FGF14: variants seen among roughly 807,000 people sequenced by gnomAD.
FGF14 encodes fibroblast growth factor homologous factor 4.
FGF14 carries 5 observed loss-of-function variants against 25.5 expected under a neutral mutation model. The observed-to-expected ratio is 0.20, with a 90% CI of 0.10 to 0.41. The LOEUF is 0.41. Among genes scored for constraint, FGF14 ranks in the 10% least tolerant of loss-of-function variants. The probability of loss-of-function intolerance (pLI) is 1.00; values close to 1 mark genes in which losing one functional copy is unlikely to be tolerated. For synonymous variants in FGF14, 138 were observed against 118.3 expected (o/e 1.17, Z -1.08); for missense variants, 222 against 320.1 (o/e 0.69, Z 2.34).
intron 1 of FGF14, among the ~76,000 whole-genome samples, chr13:102,233,597 G>A (rs1303544362): frequency 6.6e-6 from 1 of 152,166 alleles, no homozygotes; most frequent in Non-Finnish European, 1.5e-5. Flanking sequence ...GCAAATGAGT[G>A]AACTTGGGAG....
chr13:102,357,662 G>C (rs1057084280), intron 1 of FGF14, among the ~76,000 whole-genome samples: 1 of 152,164 alleles, frequency 6.6e-6, no homozygotes, highest in Admixed American at 6.5e-5. Flanking sequence ...TAGGGACATT[G>C]TGGAGTTTCA....
intron 1 of FGF14, among the ~76,000 whole-genome samples, chr13:102,019,891 G>A (rs1357323648): frequency 6.6e-6 from 1 of 152,138 alleles, no homozygotes; most frequent in Non-Finnish European, 1.5e-5. Context: ...ACGCAGGTGT[G>A]AACATTATGG....
chr13:102,028,881 C>T (rs775694983), intron 1 of FGF14, among the ~76,000 whole-genome samples: 7 of 152,164 alleles, frequency 4.6e-5, no homozygotes, highest in African/African-American at 1.7e-4. Flanking sequence ...ATGGCATTCA[C>T]GTCTCTCCTG....
At chr13:102,174,318 TTTC>T (rs2048358878) in intron 1 of FGF14, among the ~76,000 whole-genome samples, 3 of 101,286 alleles carry the variant, frequency 3.0e-5, no homozygotes, top group South Asian at 3.8e-4. Flanking sequence ...CTTTTCTTTC[TTTC>T]TTTTTTTTTT....
At chr13:101,954,837 T>G (rs931437474) in intron 1 of FGF14, among the ~76,000 whole-genome samples, 1 of 152,172 alleles carries the variant, frequency 6.6e-6, no homozygotes, top group Non-Finnish European at 1.5e-5. Context: ...AGGAAATCAG[T>G]ATTGGAAGTG....
chr13:102,322,947 T>A (rs1048890596), intron 1 of FGF14, among the ~76,000 whole-genome samples: 1 of 152,122 alleles, frequency 6.6e-6, no homozygotes, highest in Non-Finnish European at 1.5e-5. Context: ...AGAAATATCC[T>A]ACTTTAACCT....
intron 1 of FGF14, among the ~76,000 whole-genome samples, chr13:101,990,206 A>G (rs956277695): frequency 6.6e-6 from 1 of 152,080 alleles, no homozygotes; most frequent in African/African-American, 2.4e-5. Context: ...CACTGCCTAC[A>G]CCAAACATGG....
chr13:102,201,480 T>C (rs1361809501), intron 1 of FGF14, among the ~76,000 whole-genome samples: 2 of 152,206 alleles, frequency 1.3e-5, no homozygotes, highest in Non-Finnish European at 2.9e-5. Context: ...AGGGATTGGC[T>C]GAAAAAATTC....
chr13:101,983,644 A>G (rs1169818532), intron 1 of FGF14, among the ~76,000 whole-genome samples: 2 of 152,216 alleles, frequency 1.3e-5, no homozygotes, highest in Non-Finnish European at 2.9e-5. Flanking sequence ...TTACTATATT[A>G]GTTGGAATAC....
intron 1 of FGF14, 102 bp from the exon 2 acceptor site, chr13:101,875,398 C>G (rs1049576784): frequency 7.4e-5 from 58 of 783,738 alleles, no homozygotes; most frequent in Non-Finnish European, 1.1e-4. Flanking sequence ...ACATTTTATA[C>G]AAGTAGCATA....
In FGF14 at chr13:101,867,899, C is replaced by T. The variant is rs967729051; in HGVS notation, c.408+826G>A. On this transcript the variant is annotated intron_variant, in intron 3 of 4. Coordinates refer to ENST00000376143, the MANE Select transcript of FGF14 (RefSeq NM_004115.4). ...AATGTTTCTGTTTAAGACACACACA[C>T]ACACACACACACACACACACACACA... is the stretch of plus-strand genomic sequence containing the variant. Among the ~76,000 whole-genome samples the T allele has an allele frequency of 5.7e-5, 8 of 141,118 alleles. No homozygotes were observed. The East Asian group carries it at 9.1e-4, about 16-fold the overall frequency. 92.6% of individuals were successfully genotyped at this position (141,118 alleles called of 152,430 possible).
At chr13:101,777,308 G>A (rs1432001028) in intron 3 of FGF14, among the ~76,000 whole-genome samples, 1 of 152,126 alleles carries the variant, frequency 6.6e-6, no homozygotes, top group Non-Finnish European at 1.5e-5. Flanking sequence ...AACTTCTTTT[G>A]TTATAAGAAG....
intron 1 of FGF14, among the ~76,000 whole-genome samples, chr13:102,192,551 C>T (rs2049169723): frequency 6.6e-6 from 1 of 152,122 alleles, no homozygotes; most frequent in Admixed American, 6.5e-5. Flanking sequence ...TCTCTCTCTC[C>T]TTTCACATTT....
chr13:102,287,867 G>A (rs112814402), intron 1 of FGF14, among the ~76,000 whole-genome samples: 4,915 of 152,174 alleles, frequency 0.032, 118 homozygotes, highest in Non-Finnish European at 0.051. Flanking sequence ...CTCTCTAATC[G>A]TCTTCTTATT....
At chr13:101,841,056 C>T (rs1384517652) in intron 3 of FGF14, among the ~76,000 whole-genome samples, 2 of 151,778 alleles carry the variant, frequency 1.3e-5, no homozygotes, top group African/African-American at 2.4e-5. Flanking sequence ...TGTAAGGAAC[C>T]TATGAAATCA....
intron 1 of FGF14, among the ~76,000 whole-genome samples, chr13:102,126,661 A>G (rs1261065776): frequency 6.6e-6 from 1 of 152,228 alleles, no homozygotes; most frequent in Non-Finnish European, 1.5e-5. Flanking sequence ...CATATTTGCA[A>G]CCATACTTCA....
At chr13:102,223,575 CGGCTTTCAGAAGGACTTTTGGTCTAT>C (rs1317710102) in intron 1 of FGF14, among the ~76,000 whole-genome samples, 4 of 152,130 alleles carry the variant, frequency 2.6e-5, no homozygotes, top group Admixed American at 2.6e-4. Flanking sequence ...CGATGGCCTA[CGGCTTTCAGAAGGACTTTTGGTCTAT>C]GGCTTTCAGA....
chr13:102,234,882 G>A (rs2051259773), intron 1 of FGF14, among the ~76,000 whole-genome samples: 1 of 152,152 alleles, frequency 6.6e-6, no homozygotes, highest in African/African-American at 2.4e-5. Flanking sequence ...AGAAAAGACT[G>A]TATGGATGAG....
At chr13:102,068,662 C>T (rs1436144952) in intron 1 of FGF14, among the ~76,000 whole-genome samples, 4 of 152,232 alleles carry the variant, frequency 2.6e-5, no homozygotes, top group Non-Finnish European at 2.9e-5. Context: ...CAGTGCCAGC[C>T]CACCGGCGCT....
Sources: gnomAD v4.1 joint callset for allele counts (sites outside exome capture counted in the v4.1 genomes callset) on GRCh38, gnomAD v4.1.1 for gene constraint, MANE v1.5 for transcripts, NCBI Gene and HGNC (gene_info 2026-07-23, HGNC 2026-07-21) for gene names.